Variants in SLC12A2 observed in about 807,000 individuals in gnomAD.
The protein encoded by SLC12A2 is Na-K-2Cl cotransporter 1.
A neutral mutation model predicts 136.3 loss-of-function variants in SLC12A2; 67 were observed. That is an observed-to-expected ratio of 0.49 (90% CI 0.40 to 0.60). The LOEUF (loss-of-function observed/expected upper bound fraction) is 0.60. SLC12A2 is among the 20% of genes least tolerant of loss of function. The pLI is 0.00. For synonymous variants in SLC12A2, 619 were observed against 562.9 expected, an observed-to-expected ratio of 1.10 and a Z score of -1.41; for missense variants, 1,322 against 1,534.7, an observed-to-expected ratio of 0.86 and a Z score of 2.32.
intron 9 of SLC12A2, among the ~76,000 whole-genome samples, chr5:128,139,156 AT>A (rs1404439505): frequency 2.0e-5 from 3 of 152,140 alleles, no homozygotes; most frequent in Non-Finnish European, 2.9e-5. Flanking sequence ...AAATTAAAAA[AT>A]TATATGAAAT....
intron 26 of SLC12A2, among the ~76,000 whole-genome samples, chr5:128,185,792 T>C (rs1763847597): frequency 6.6e-6 from 1 of 152,222 alleles, no homozygotes; most frequent in Non-Finnish European, 1.5e-5. Flanking sequence ...TAGTGTTAGA[T>C]ATCAGAGGTA....
intron 15 of SLC12A2, among the ~76,000 whole-genome samples, chr5:128,155,297 G>GA (rs76345866): frequency 0.35 from 52,466 of 151,894 alleles, 11,600 homozygotes; most frequent in African/African-American, 0.63. Flanking sequence ...GATAAGGGGG[G>GA]CTAGTGTACT....
At position 128,084,035 on chromosome 5, in the gene SLC12A2, G is replaced by A; in HGVS notation, c.81G>A (p.Leu27=). Residue 27 remains leucine (L), a synonymous_variant, in exon 1 of 27, where the codon CTG becomes CTA. Transcript: ENST00000262461. This position sits in a 1 kb window ranked among gnomAD's most constrained non-coding sequence, Gnocchi z 5.6. ...GGGAGACGCCGTCAGCCGCTGCGCT[G>A]GCCGCAGCCAGGGTGGAACTGCCCG... ...GVGETPSAAA[L]AAARVELPGT... The A allele has an allele frequency of 7.9e-7, 1 of 1,268,658 alleles. No homozygotes were observed. Among genetic ancestry groups the A allele is most frequent in the Non-Finnish European group, 9.9e-7 (1 of 1,009,726 alleles). 78.6% of individuals were successfully genotyped at this position (1,268,658 alleles called of 1,614,324 possible).
chr5:128,130,625 T>C (rs1407974398), intron 4 of SLC12A2, among the ~76,000 whole-genome samples: 1 of 151,278 alleles, frequency 6.6e-6, no homozygotes, highest in Non-Finnish European at 1.5e-5. Flanking sequence ...GAGGTTGCAG[T>C]GAACCAAGAT....
Position 128,083,888 on chromosome 5 carries a change from G to C in SLC12A2, c.-67G>C. 1 of 1,143,278 alleles carries C rather than the reference G, an allele frequency of 8.7e-7. No individual in the cohort carries two copies. The highest frequency in any genetic ancestry group is 1.1e-6 in the Non-Finnish European group (1 of 912,240). The allele number at this position is 1,143,278 out of a possible 1,614,324, so 70.8% of individuals were successfully genotyped here. A position where few individuals can be genotyped will look rare whatever the true frequency, so the allele number is the denominator to read the frequency against. ...TGCGGCTGTGGCCACCGCCGGCCAGGGGTGTGGAGGGCGTGCTGCCGGAGA... is the reference window on the plus strand; with the variant it reads ...TGCGGCTGTGGCCACCGCCGGCCAGCGGTGTGGAGGGCGTGCTGCCGGAGA... On this transcript the variant is annotated 5_prime_UTR_variant, in exon 1 of 27. Transcript: ENST00000262461.
At chr5:128,142,591 A>G (rs1762409060) in intron 10 of SLC12A2, among the ~76,000 whole-genome samples, 1 of 152,138 alleles carries the variant, frequency 6.6e-6, no homozygotes, top group South Asian at 2.1e-4. Flanking sequence ...GTACTGTTTT[A>G]GAAAGCATGG....
intron 10 of SLC12A2, among the ~76,000 whole-genome samples, chr5:128,143,937 AATT>A (rs1456609937): frequency 6.7e-6 from 1 of 150,358 alleles, no homozygotes; most frequent in African/African-American, 2.4e-5. Flanking sequence ...AATATAATAA[AATT>A]ATGTAGTTTT....
intron 1 of SLC12A2, among the ~76,000 whole-genome samples, chr5:128,086,592 A>G (rs1193448119): frequency 6.6e-6 from 1 of 152,196 alleles, no homozygotes; most frequent in Non-Finnish European, 1.5e-5. Context: ...TATAAATATT[A>G]TGTTCAGTTT....
At chr5:128,102,322 C>T (rs1052051694) in intron 1 of SLC12A2, among the ~76,000 whole-genome samples, 3 of 151,890 alleles carry the variant, frequency 2.0e-5, no homozygotes, top group African/African-American at 7.3e-5. Context: ...TTGCTGGCAC[C>T]CTAGAAATTC....
intron 17 of SLC12A2, among the ~76,000 whole-genome samples, chr5:128,166,220 A>C (rs1230582505): frequency 4.6e-5 from 7 of 151,850 alleles, no homozygotes; most frequent in Non-Finnish European, 7.4e-5. Context: ...CCTATGTGTG[A>C]CCTCACACTA....
At chr5:128,126,453 G>A (rs770054233) in intron 4 of SLC12A2, among the ~76,000 whole-genome samples, 2 of 152,088 alleles carry the variant, frequency 1.3e-5, no homozygotes, top group African/African-American at 2.4e-5. Flanking sequence ...TAGTATAACC[G>A]CTATGGAGGA....
chr5:128,115,035 C>T (rs1480763647), intron 4 of SLC12A2, among the ~76,000 whole-genome samples: 1 of 152,174 alleles, frequency 6.6e-6, no homozygotes, highest in Non-Finnish European at 1.5e-5. Flanking sequence ...AACCTCATTC[C>T]CCACCTCCAT....
At chr5:128,148,926 T>C in intron 12 of SLC12A2, 49 bp downstream of exon 12, 1 of 1,413,666 alleles carries the variant, frequency 7.1e-7, no homozygotes. Context: ...TGCATATTAG[T>C]TCTAGACGTT....
intron 4 of SLC12A2, among the ~76,000 whole-genome samples, chr5:128,121,391 C>T (rs1281167929): frequency 6.6e-6 from 1 of 151,966 alleles, no homozygotes; most frequent in Non-Finnish European, 1.5e-5. Flanking sequence ...GGCACGATCT[C>T]GGCTCACTGC....
intron 9 of SLC12A2, 94 bp downstream of exon 9, chr5:128,139,002 A>T: frequency 1.2e-6 from 1 of 841,458 alleles, no homozygotes; most frequent in South Asian, 1.7e-5. Flanking sequence ...ACTTTTTTAA[A>T]TACAGAAATA....
intron 1 of SLC12A2, among the ~76,000 whole-genome samples, chr5:128,108,188 T>G (rs1761016889): frequency 6.6e-6 from 1 of 152,082 alleles, no homozygotes; most frequent in Admixed American, 6.5e-5. Flanking sequence ...TAGGCAGGCA[T>G]ATTTGCTGAA....
At chr5:128,166,459 A>G (rs1013158313) in intron 17 of SLC12A2, among the ~76,000 whole-genome samples, 3 of 148,424 alleles carry the variant, frequency 2.0e-5, no homozygotes, top group African/African-American at 7.3e-5. Context: ...TGGATAAACA[A>G]ATGTGTGTGT....
At chr5:128,111,661 A>G (rs1761148710) in intron 1 of SLC12A2, among the ~76,000 whole-genome samples, 1 of 151,406 alleles carries the variant, frequency 6.6e-6, no homozygotes, top group South Asian at 2.1e-4. Context: ...GCTACTCGGG[A>G]GGCTGAGGCA....
chr5:128,093,962 G>A (rs534160881), intron 1 of SLC12A2, among the ~76,000 whole-genome samples: 1 of 152,102 alleles, frequency 6.6e-6, no homozygotes, highest in East Asian at 1.9e-4. Flanking sequence ...CGTGGCCTTT[G>A]TACATGGTAC....
Sources: allele counts gnomAD v4.1 joint callset (sites outside exome capture counted in the v4.1 genomes callset), GRCh38; gene constraint gnomAD v4.1.1; non-coding constraint Gnocchi (gnomAD v3.1); transcripts MANE v1.5; gene names NCBI Gene and HGNC (gene_info 2026-07-23, HGNC 2026-07-21).